DYSF: variants seen among roughly 807,000 people sequenced by gnomAD.
The protein encoded by DYSF is dysferlin.
In DYSF, 212 loss-of-function variants were observed where a neutral mutation model predicts 274.9. That is an observed-to-expected ratio of 0.77 (90% CI 0.69 to 0.86). The LOEUF is 0.86. DYSF is among the 40% of genes least tolerant of loss of function. The probability of loss-of-function intolerance (pLI) is 0.00; values close to 1 mark genes in which losing one functional copy is unlikely to be tolerated. For synonymous variants in DYSF, 1,091 were observed against 1,078.7 expected (o/e 1.01, Z -0.22); for missense variants, 2,666 against 2,783.2 (o/e 0.96, Z 0.95).
At chr2:71,506,100 A>G (rs2085445302) in intron 4 of DYSF, among the ~76,000 whole-genome samples, 1 of 152,156 alleles carries the variant, frequency 6.6e-6, no homozygotes, top group South Asian at 2.1e-4. Flanking sequence ...TCTTGTCCAC[A>G]CGGGACACAT....
intron 30 of DYSF, among the ~76,000 whole-genome samples, chr2:71,585,035 G>T (rs950161099): frequency 4.6e-5 from 7 of 152,220 alleles, no homozygotes; most frequent in Non-Finnish European, 1.0e-4. Flanking sequence ...ATTTCATTCA[G>T]TTTTCACTAC....
Position 71,599,617 on chromosome 2 carries a change from C to T in DYSF, c.3756+872C>T, listed in dbSNP as rs1225593839. 3.3e-5 allele frequency among the ~76,000 whole-genome samples: 5 copies of T among 152,248 alleles called. No homozygotes were observed. In the South Asian group the frequency reaches 8.3e-4, roughly 25 times the overall value. On this transcript the variant is annotated intron_variant, in intron 33 of 55. Coordinates refer to ENST00000410020, the MANE Select transcript of DYSF (RefSeq NM_001130987.2). ...GGCCAGGGGAGCAGGAGAGTGCTGA[C>T]GTCAGGGCAGCATTTTCCGAAGAGG... is the stretch of plus-strand genomic sequence containing the variant.
Position 71,509,207 on chromosome 2 carries a change from A to G in DYSF, c.346-2600A>G, listed in dbSNP as rs545901282. Among the ~76,000 whole-genome samples the G allele has an allele frequency of 2.3e-4, 34 of 150,038 alleles. 1 individual carries two copies. The South Asian group carries it at 7.0e-3, about 31-fold the overall frequency. On this transcript the variant is annotated intron_variant, in intron 4 of 55. Coordinates refer to ENST00000410020, the MANE Select transcript of DYSF (RefSeq NM_001130987.2). Reference sequence around the variant, plus strand: ...TGAGACTGGTCTCATTCTGTTGCCCAGCTGGAATGCAGTGGTGTAATCATG... The same window carrying G: ...TGAGACTGGTCTCATTCTGTTGCCCGGCTGGAATGCAGTGGTGTAATCATG...
Position 71,481,043 on chromosome 2 carries a change from G to A in DYSF, c.147+105G>A, listed in dbSNP as rs2082840432. On this transcript the variant is annotated intron_variant, in intron 2 of 55. Transcript: ENST00000410020. ...GAGGTGCCTTCTCAGCAGTGTCCTT[G>A]AGGTGGGGAGGGGCTGGTGGTCCAG... 2.7e-6 allele frequency: 3 copies of A among 1,130,858 alleles called. No homozygotes were observed. In the Admixed American group the frequency reaches 5.6e-5, roughly 21 times the overall value. 70.1% of individuals were successfully genotyped at this position (1,130,858 alleles called of 1,614,324 possible).
intron 29 of DYSF, among the ~76,000 whole-genome samples, chr2:71,571,506 C>T (rs1446503193): frequency 2.8e-5 from 4 of 143,206 alleles, no homozygotes; most frequent in Non-Finnish European, 4.5e-5. Context: ...ACAGATCACA[C>T]CCACCACACA....
In DYSF at chr2:71,613,378, A is replaced by G; in HGVS notation, c.4432A>G (p.Ile1478Val). 1 of 1,613,616 alleles carries G rather than the reference A, an allele frequency of 6.2e-7. No homozygotes were observed. Among genetic ancestry groups the G allele is most frequent in the Non-Finnish European group, 8.5e-7 (1 of 1,179,862 alleles). Residue 1478 changes from isoleucine to valine, a missense_variant, in exon 40 of 56, where the codon ATT becomes GTT. Coordinates refer to ENST00000410020, the MANE Select transcript of DYSF (RefSeq NM_001130987.2). The stretch of plus-strand genomic sequence containing the variant: ...TCCTGGGGAAGACGTGCTCATCGAC[A>G]TTGATGACAAGGAGCCCCTCATCCC... ...LSPGEDVLIDIDDKEPLIPIQ... is the reference protein window; with the variant it reads ...LSPGEDVLIDVDDKEPLIPIQ...
intron 17 of DYSF, among the ~76,000 whole-genome samples, chr2:71,544,159 C>T (rs1406740283): frequency 6.6e-6 from 1 of 152,206 alleles, no homozygotes; most frequent in Admixed American, 6.5e-5. Flanking sequence ...TTTCCTGAAT[C>T]TTATGGATGT....
intron 1 of DYSF, among the ~76,000 whole-genome samples, chr2:71,473,872 C>A (rs1331716390): frequency 2.6e-5 from 4 of 151,856 alleles, no homozygotes. Flanking sequence ...ACTCCCTATT[C>A]CCCTCCCTCA....
At chr2:71,470,858 G>A (rs911603137) in intron 1 of DYSF, among the ~76,000 whole-genome samples, 2 of 143,084 alleles carry the variant, frequency 1.4e-5, no homozygotes, top group African/African-American at 2.6e-5. Context: ...ATGGCACGTT[G>A]TCGGCTCATT....
chr2:71,637,916 A>G (rs2094430424), intron 41 of DYSF, among the ~76,000 whole-genome samples: 1 of 152,154 alleles, frequency 6.6e-6, no homozygotes, highest in Admixed American at 6.5e-5. Context: ...GGCAAAAGTC[A>G]CTGAGCAGCC....
chr2:71,520,980 A>G, intron 12 of DYSF, 76 bp downstream of exon 12: 3 of 1,246,228 alleles, frequency 2.4e-6, no homozygotes, highest in Non-Finnish European at 2.3e-6. Context: ...ACCACAAACA[A>G]AAACTCTATT....
At chr2:71,509,331 T>G (rs1172850114) in intron 4 of DYSF, among the ~76,000 whole-genome samples, 1 of 151,546 alleles carries the variant, frequency 6.6e-6, no homozygotes, top group Non-Finnish European at 1.5e-5. Context: ...CCTGGCTAAT[T>G]TTTTGTTTTT....
chr2:71,673,396 G>A (rs1316544722), intron 51 of DYSF, among the ~76,000 whole-genome samples: 1 of 152,176 alleles, frequency 6.6e-6, no homozygotes, highest in Non-Finnish European at 1.5e-5. Flanking sequence ...GGGAGGTGGG[G>A]TGGGGAGAGA....
chr2:71,511,061 G>A (rs1160237271), intron 4 of DYSF, among the ~76,000 whole-genome samples: 1 of 152,222 alleles, frequency 6.6e-6, no homozygotes, highest in African/African-American at 2.4e-5. Flanking sequence ...AGGCAGGCCC[G>A]GGAGCAGCCA....
chr2:71,676,472 C>T (rs1380806585), intron 52 of DYSF, among the ~76,000 whole-genome samples: 1 of 151,914 alleles, frequency 6.6e-6, no homozygotes, highest in African/African-American at 2.4e-5. Flanking sequence ...TTTTCAGAGC[C>T]TTTTATGTAT....
At position 71,511,906 on chromosome 2, in the gene DYSF, C is replaced by T. The variant is rs1339045360; in HGVS notation, c.445C>T (p.Leu149=). Reference sequence around the variant, plus strand: ...GGAGCCCTCCCCGACTCTGCCTGACCTGGATGTAGTGGCAGGTGGGTAGCC... The same window carrying T: ...GGAGCCCTCCCCGACTCTGCCTGACTTGGATGTAGTGGCAGGTGGGTAGCC... ...PLEPSPTLPD[L]DVVAGGGQSR... is the part of the protein sequence containing the mutation. The change falls in exon 5 of 56, where the codon CTG becomes TTG. Residue 149 remains leucine (L), a synonymous_variant. Transcript: ENST00000410020. 1.3e-6 allele frequency: 2 copies of T among 1,550,050 alleles called. No individual in the cohort carries two copies. The highest frequency in any genetic ancestry group is 2.4e-5 in the East Asian group (1 of 40,910).
chr2:71,522,688 G>T (rs1479498480), intron 12 of DYSF, among the ~76,000 whole-genome samples: 2 of 152,052 alleles, frequency 1.3e-5, no homozygotes, highest in Non-Finnish European at 2.9e-5. Context: ...ACATTAACAT[G>T]TCCCTTAGGC....
chr2:71,542,896 C>T (rs1209696136), intron 17 of DYSF, among the ~76,000 whole-genome samples: 1 of 152,268 alleles, frequency 6.6e-6, no homozygotes, highest in Admixed American at 6.5e-5. Context: ...GTACACCTCG[C>T]AGATGGGGTG....
At chr2:71,462,528 T>C (rs186546803), upstream of DYSF, among the ~76,000 whole-genome samples, 23 of 152,314 alleles carry the variant, frequency 1.5e-4, no homozygotes, top group East Asian at 2.7e-3. Flanking sequence ...GCCTTGTTTG[T>C]CTTACAGCTC....
Sources: gnomAD v4.1 joint callset for allele counts (sites outside exome capture counted in the v4.1 genomes callset) on GRCh38, gnomAD v4.1.1 for gene constraint, MANE v1.5 for transcripts, NCBI Gene and HGNC (gene_info 2026-07-23, HGNC 2026-07-21) for gene names.